PTGR1: variants seen among roughly 807,000 people sequenced by gnomAD.
The protein encoded by PTGR1 is prostaglandin reductase 1.
PTGR1 carries 23 observed loss-of-function variants against 37.7 expected under a neutral mutation model. The ratio of observed to expected loss-of-function variants is 0.61; its 90% CI spans 0.44 to 0.86. The LOEUF is 0.86. PTGR1 is among the 40% of genes least tolerant of loss of function. PTGR1 has a pLI of 0.00. For synonymous variants in PTGR1, 134 were observed against 140.0 expected, an observed-to-expected ratio of 0.96 and a Z score of 0.30; for missense variants, 351 against 394.3, an observed-to-expected ratio of 0.89 and a Z score of 0.93.
chr9:111,555,506 A>G (rs1564605358), intron 9 of PTGR1, among the ~76,000 whole-genome samples: 1 of 152,192 alleles, frequency 6.6e-6, no homozygotes, highest in Non-Finnish European at 1.5e-5. Flanking sequence ...TCACACTGCT[A>G]TAAGGAACTA....
intron 8 of PTGR1, among the ~76,000 whole-genome samples, chr9:111,572,744 G>A (rs183875240): frequency 4.9e-5 from 5 of 102,434 alleles, no homozygotes; most frequent in South Asian, 6.4e-4. Context: ...GCAACAAAGC[G>A]AGACCCTGTC....
At chr9:111,555,514 C>T (rs1828096031) in intron 9 of PTGR1, among the ~76,000 whole-genome samples, 1 of 152,156 alleles carries the variant, frequency 6.6e-6, no homozygotes, top group South Asian at 2.1e-4. Flanking sequence ...CTATAAGGAA[C>T]TACCTGAGAC....
rs193046121 is a variant in PTGR1 at position 111,583,495 on chromosome 9, C to T, written c.472G>A (p.Val158Met). The stretch of plus-strand genomic sequence containing the variant: ...ACCTTGAGCTTTGCAATCTGCCCCA[C>T]GACTGAGCCCACAGCTCCAGCTGCT... ...NAAAGAVGSV[V>M]GQIAKLKGCK... The change falls in exon 6 of 10, where the codon GTG becomes ATG. Residue 158 changes from valine to methionine, a missense_variant. Val to Met is a conservative substitution (Grantham distance 21, BLOSUM62 1). Coordinates refer to ENST00000407693, the MANE Select transcript of PTGR1 (RefSeq NM_001146108.2). 6.2e-6 allele frequency: 10 copies of T among 1,613,130 alleles called. 1 individual carries two copies. Among genetic ancestry groups the T allele is most frequent in the East Asian group, 4.5e-5 (2 of 44,870 alleles).
intron 7 of PTGR1, chr9:111,576,617 G>C: frequency 1.8e-6 from 1 of 550,236 alleles, no homozygotes. Context: ...TAAAATAAAA[G>C]CTACTAGGAT....
intron 9 of PTGR1, among the ~76,000 whole-genome samples, chr9:111,568,035 T>G (rs1564611982): frequency 6.6e-6 from 1 of 152,208 alleles, no homozygotes; most frequent in Non-Finnish European, 1.5e-5. Flanking sequence ...ACAAATTGAT[T>G]GTAAAACATG....
intron 7 of PTGR1, chr9:111,576,291 T>G: frequency 2.0e-6 from 3 of 1,520,294 alleles, no homozygotes; most frequent in Non-Finnish European, 2.7e-6. Context: ...TATTTGCATA[T>G]TGTAAACTAC....
In PTGR1 at chr9:111,570,067, A is replaced by C. The variant is rs375049266; in HGVS notation, c.879+24T>G. The C allele has an allele frequency of 2.9e-5, 46 of 1,613,740 alleles. No homozygotes were observed. In the African/African-American group the frequency reaches 5.9e-4, roughly 21 times the overall value. Reference sequence around the variant, plus strand: ...GAGTGTGACCTAGTGTACAATTGGAAGGGGTGGCTCCGGAGCTCCTTACCT... The same window carrying C: ...GAGTGTGACCTAGTGTACAATTGGACGGGGTGGCTCCGGAGCTCCTTACCT... On this transcript the variant is annotated intron_variant, in intron 9 of 9. Transcript: ENST00000407693.
At chr9:111,591,378 T>C (rs1251642250) in intron 4 of PTGR1, among the ~76,000 whole-genome samples, 2 of 145,662 alleles carry the variant, frequency 1.4e-5, no homozygotes, top group Admixed American at 6.8e-5. Flanking sequence ...TTCTTTTTTT[T>C]TTTTTTTTTT....
Position 111,564,845 on chromosome 9 carries a change from C to T in PTGR1, c.880-1614G>A, listed in dbSNP as rs556517540. On this transcript the variant is annotated intron_variant, in intron 9 of 9. Coordinates refer to ENST00000407693, the MANE Select transcript of PTGR1 (RefSeq NM_001146108.2). ...TTTTAAAAAAAGGTAATTAAGAGGC[C>T]GGGCGCAGTGGCTCATGTCTGTAAT... Among the ~76,000 whole-genome samples the T allele has an allele frequency of 1.1e-3, 171 of 151,950 alleles. 1 individual carries two copies. Among genetic ancestry groups the T allele is most frequent in the Non-Finnish European group, 2.2e-3 (150 of 67,916 alleles).
chr9:111,578,661 C>G, intron 7 of PTGR1, 135 bp downstream of exon 7: 1 of 701,222 alleles, frequency 1.4e-6, no homozygotes, highest in Non-Finnish European at 2.2e-6. Flanking sequence ...GCTCACCTGC[C>G]CCTCACCTCC....
chr9:111,586,970 A>C lies in PTGR1; in HGVS notation c.210-805T>G, dbSNP rs139066021. Among the ~76,000 whole-genome samples, 49 of 151,786 alleles carry C rather than the reference A, an allele frequency of 3.2e-4. No individual in the cohort carries two copies. The East Asian group carries it at 8.3e-3, about 26-fold the overall frequency. On this transcript the variant is annotated intron_variant, in intron 4 of 9. Transcript: ENST00000407693. ...GGGATTATAGGCGCCCACCACAACA[A>C]CACCAGACTAATTTTTGTATATTTA...
At chr9:111,587,408 T>C (rs1237303744) in intron 4 of PTGR1, among the ~76,000 whole-genome samples, 2 of 152,208 alleles carry the variant, frequency 1.3e-5, no homozygotes, top group Non-Finnish European at 2.9e-5. Context: ...GTGTATTTTC[T>C]GTCAATCTTA....
intron 2 of PTGR1, among the ~76,000 whole-genome samples, chr9:111,595,865 C>A (rs1240909055): frequency 6.6e-6 from 1 of 151,940 alleles, no homozygotes. Flanking sequence ...GATCTCCTGA[C>A]CTTGTGATCT....
intron 5 of PTGR1, among the ~76,000 whole-genome samples, chr9:111,583,921 C>G (rs1829355791): frequency 6.6e-6 from 1 of 152,150 alleles, no homozygotes. Context: ...GTGCCTCATT[C>G]CCATATAAGT....
chr9:111,591,803 A>T lies in PTGR1; in HGVS notation c.209+1123T>A, dbSNP rs1432879109. 4.6e-5 allele frequency among the ~76,000 whole-genome samples: 7 copies of T among 152,192 alleles called. No homozygotes were observed. The East Asian group carries it at 1.3e-3, about 29-fold the overall frequency. ...AATCATTGTAGGCAGACCCCCTGAAACTATTGCTACGGAATAAAAGATGAA... is the reference window on the plus strand; with the variant it reads ...AATCATTGTAGGCAGACCCCCTGAATCTATTGCTACGGAATAAAAGATGAA... On this transcript the variant is annotated intron_variant, in intron 4 of 9. Coordinates refer to ENST00000407693, the MANE Select transcript of PTGR1 (RefSeq NM_001146108.2).
At chr9:111,587,668 T>C (rs1387714307) in intron 4 of PTGR1, among the ~76,000 whole-genome samples, 1 of 152,164 alleles carries the variant, frequency 6.6e-6, no homozygotes, top group African/African-American at 2.4e-5. Flanking sequence ...GGCAGGATGG[T>C]CTTGATCTCT....
chr9:111,593,487 A>C (rs1298022749), intron 3 of PTGR1, among the ~76,000 whole-genome samples: 1 of 151,394 alleles, frequency 6.6e-6, no homozygotes, highest in East Asian at 1.9e-4. Context: ...AGTAGTCAAT[A>C]AAGGCTTTTG....
chr9:111,577,718 C>T (rs1829121673), intron 7 of PTGR1: 1 of 152,086 alleles, frequency 6.6e-6, no homozygotes, highest in East Asian at 1.9e-4. Context: ...GGTGGCACAT[C>T]CCTATAGTCC....
intron 2 of PTGR1, among the ~76,000 whole-genome samples, chr9:111,596,905 C>A (rs373980759): frequency 0.013 from 1,467 of 111,330 alleles, 24 homozygotes; most frequent in Middle Eastern, 0.061. Context: ...CCAACCTGGG[C>A]AACAGAGCAA....
Sources: gnomAD v4.1 joint callset for allele counts (sites outside exome capture counted in the v4.1 genomes callset) on GRCh38, gnomAD v4.1.1 for gene constraint, MANE v1.5 for transcripts, NCBI Gene and HGNC (gene_info 2026-07-23, HGNC 2026-07-21) for gene names.